The following TOP2B variants were observed in gnomAD, a reference collection of about 807,000 sequenced individuals.
TOP2B encodes the protein DNA topoisomerase II beta, also known as DNA topoisomerase 2-beta.
A neutral mutation model predicts 193.5 loss-of-function variants in TOP2B; 51 were observed. The ratio of observed to expected loss-of-function variants is 0.26; its 90% CI spans 0.21 to 0.33. The LOEUF is 0.33. Ranked by LOEUF, TOP2B falls within the 10% of genes least tolerant of loss-of-function variation. The pLI, the probability that TOP2B is intolerant of heterozygous loss-of-function variation, is 1.00. For synonymous variants in TOP2B, 634 were observed against 635.7 expected (o/e 1.00, Z 0.04); for missense variants, 1,378 against 1,909.3 (o/e 0.72, Z 5.19).
At chr3:25,655,118 C>T (rs1488043369) in intron 1 of TOP2B, among the ~76,000 whole-genome samples, 2 of 151,984 alleles carry the variant, frequency 1.3e-5, no homozygotes. Flanking sequence ...GAAAAGGCAG[C>T]GTATGGAATG....
At chr3:25,602,650 A>G (rs1467765328) in intron 33 of TOP2B, among the ~76,000 whole-genome samples, 1 of 152,108 alleles carries the variant, frequency 6.6e-6, no homozygotes, top group African/African-American at 2.4e-5. Flanking sequence ...CTGAGTCTTC[A>G]TGACTATATC....
chr3:25,608,983 G>T (rs1702302460), intron 30 of TOP2B, among the ~76,000 whole-genome samples, 200 bp downstream of exon 30: 1 of 152,050 alleles, frequency 6.6e-6, no homozygotes, highest in Non-Finnish European at 1.5e-5. Flanking sequence ...TAAAAATCAG[G>T]AAAGAAACAT....
chr3:25,602,464 T>A, intron 33 of TOP2B, among the ~76,000 whole-genome samples: 1 of 142,246 alleles, frequency 7.0e-6, no homozygotes, highest in Non-Finnish European at 1.5e-5. Context: ...GAAAACCTAA[T>A]TTGGAAGAAA....
chr3:25,635,235 C>A (rs1463417150), intron 7 of TOP2B, among the ~76,000 whole-genome samples: 1 of 152,100 alleles, frequency 6.6e-6, no homozygotes, highest in Non-Finnish European at 1.5e-5. Flanking sequence ...TCAAACACAG[C>A]CCATCTCCTG....
intron 33 of TOP2B, among the ~76,000 whole-genome samples, chr3:25,604,311 A>C (rs1007223025): frequency 7.2e-5 from 11 of 152,184 alleles, no homozygotes; most frequent in African/African-American, 2.4e-4. Flanking sequence ...TCATTAATCA[A>C]CTCAAAGTGT....
At chr3:25,631,530 A>T (rs1018651237) in intron 10 of TOP2B, among the ~76,000 whole-genome samples, 2 of 152,028 alleles carry the variant, frequency 1.3e-5, no homozygotes, top group Non-Finnish European at 2.9e-5. Context: ...AGCATCTCCA[A>T]CTCTAAGTCC....
chr3:25,606,159 T>C, intron 31 of TOP2B, 37 bp from the exon 32 acceptor site: 3 of 981,006 alleles, frequency 3.1e-6, no homozygotes, highest in South Asian at 3.9e-5. Context: ...GAGGATACAA[T>C]TTAAATATCT....
chr3:25,659,423 A>G lies in TOP2B; in HGVS notation c.69+4806T>C, dbSNP rs141815565. 2.2e-3 allele frequency among the ~76,000 whole-genome samples: 338 copies of G among 152,196 alleles called. 2 individuals carry two copies. Among genetic ancestry groups the G allele is most frequent in the African/African-American group, 7.7e-3 (320 of 41,414 alleles). On this transcript the variant is annotated intron_variant, in intron 1 of 35. Transcript: ENST00000264331. The stretch of plus-strand genomic sequence containing the variant: ...GAATGAAAATACTTATCACTGGATT[A>G]AAAAAGAAGGGAGAATGTATGTGTG...
intron 34 of TOP2B, among the ~76,000 whole-genome samples, chr3:25,600,521 C>T (rs1172148699): frequency 2.0e-5 from 3 of 152,202 alleles, no homozygotes; most frequent in African/African-American, 4.8e-5. Flanking sequence ...ATAAGAAACA[C>T]ACTGAGGAAG....
chr3:25,621,553 G>C (rs976313250), intron 21 of TOP2B, among the ~76,000 whole-genome samples: 1 of 152,038 alleles, frequency 6.6e-6, no homozygotes, highest in African/African-American at 2.4e-5. Flanking sequence ...TAGAGACAGG[G>C]TTTTGCCATG....
At position 25,638,200 on chromosome 3, in the gene TOP2B, G is replaced by T; in HGVS notation, c.506C>A (p.Ser169Tyr). The change falls in exon 5 of 36, where the codon TCC (serine) becomes TAC (tyrosine). Residue 169 changes from serine (S) to tyrosine (Y), a missense_variant. Physicochemically the swap from Ser to Tyr is moderately radical, Grantham distance 144. This residue lies in a region of TOP2B where 9 missense variants were observed against 36.6 expected (regional missense o/e 0.25). Coordinates refer to ENST00000264331, the MANE Select transcript of TOP2B (RefSeq NM_001330700.2). The stretch of plus-strand genomic sequence containing the variant: ...TTTCTCATCATCATCATAGTTACTG[G>T]ATGTTAAAAGCTGTCCAAAAATTAA... ...PALIFGQLLTSSNYDDDEKKV... is the reference protein window; with the variant it reads ...PALIFGQLLTYSNYDDDEKKV... 1 of 1,564,796 alleles carries T rather than the reference G, an allele frequency of 6.4e-7. No homozygotes were observed. Among genetic ancestry groups the T allele is most frequent in the Non-Finnish European group, 8.7e-7 (1 of 1,153,338 alleles).
chr3:25,598,139 T>G lies in TOP2B; in HGVS notation c.*168A>C. The G allele has an allele frequency of 1.6e-6, 1 of 640,000 alleles. No homozygotes were observed. The highest frequency in any genetic ancestry group is 2.5e-6 in the Non-Finnish European group (1 of 395,084). The allele number at this position is 640,000 out of a possible 1,614,324, so 39.6% of individuals were successfully genotyped here. A position where few individuals can be genotyped will look rare whatever the true frequency, so the allele number is the denominator to read the frequency against. On this transcript the variant is annotated 3_prime_UTR_variant, in exon 36 of 36. Coordinates refer to ENST00000264331, the MANE Select transcript of TOP2B (RefSeq NM_001330700.2). ...ACATTTCAATGAGTAAAAAAGAGCA[T>G]AAAACTGTATGTGTAAGAACAAAAT...
chr3:25,647,374 T>C (rs1049060122), intron 1 of TOP2B, among the ~76,000 whole-genome samples: 4 of 152,204 alleles, frequency 2.6e-5, no homozygotes, highest in African/African-American at 9.6e-5. Flanking sequence ...AGATAGATGC[T>C]ATGGAATCGA....
chr3:25,600,361 C>G (rs1702059067), intron 34 of TOP2B, among the ~76,000 whole-genome samples: 1 of 152,150 alleles, frequency 6.6e-6, no homozygotes, highest in African/African-American at 2.4e-5. Flanking sequence ...TCAAATGAAT[C>G]AGGGAAATAG....
At chr3:25,637,691 G>T in intron 5 of TOP2B, among the ~76,000 whole-genome samples, 1 of 151,630 alleles carries the variant, frequency 6.6e-6, no homozygotes, top group Non-Finnish European at 1.5e-5. Context: ...GGTTTAAAAA[G>T]CAAAACAAAA....
intron 27 of TOP2B, among the ~76,000 whole-genome samples, chr3:25,614,937 CAATT>C (rs1702465862): frequency 6.6e-6 from 1 of 151,888 alleles, no homozygotes; most frequent in African/African-American, 2.4e-5. Context: ...TAAACTGAAT[CAATT>C]ATTTAATCTA....
In TOP2B at chr3:25,630,853, T is replaced by C. The variant is rs1284036003; in HGVS notation, c.1353A>G (p.Val451=). ...QTQLNKKCSS[V]KYSKIKGIPK... is the part of the protein sequence containing the mutation. ...GAATACCTTTGATTTTACTGTATTT[T>C]ACTGATGAACACTTCTTATTCAGCT... is the stretch of plus-strand genomic sequence containing the variant. The change falls in exon 11 of 36, where the codon GTA becomes GTG. Residue 451 remains valine (V), a synonymous_variant. Coordinates refer to ENST00000264331, the MANE Select transcript of TOP2B (RefSeq NM_001330700.2). 3 of 1,602,374 alleles carry C rather than the reference T, an allele frequency of 1.9e-6. No individual in the cohort carries two copies. The highest frequency in any genetic ancestry group is 2.6e-6 in the Non-Finnish European group (3 of 1,175,018).
rs1703328623 is a variant in TOP2B at position 25,643,719 on chromosome 3, T to C, written c.306A>G (p.Leu102=). Residue 102 remains leucine (L), a synonymous_variant, in exon 3 of 36, where the codon TTA becomes TTG. Transcript: ENST00000264331. ...NCREVTFVPG[L]YKIFDEILVN... ...CCAAAATTTCATCAAAGATCTTGTA[T>C]AAACCTGGCACAAAGGTAACCTCCC... The C allele has an allele frequency of 1.9e-6, 3 of 1,613,252 alleles. No homozygotes were observed. The highest frequency in any genetic ancestry group is 1.7e-6 in the Non-Finnish European group (2 of 1,179,550).
intron 3 of TOP2B, among the ~76,000 whole-genome samples, chr3:25,642,871 T>C (rs1157139853): frequency 1.3e-5 from 2 of 152,174 alleles, no homozygotes; most frequent in Non-Finnish European, 2.9e-5. Context: ...TTCTGTATCC[T>C]AGGCACTATA....
Sources: gnomAD v4.1 joint callset for allele counts (sites outside exome capture counted in the v4.1 genomes callset) on GRCh38, gnomAD v4.1.1 for gene constraint, gnomAD v4.1.1 regional missense constraint, MANE v1.5 for transcripts, NCBI Gene and HGNC (gene_info 2026-07-23, HGNC 2026-07-21) for gene names.